Variants in COL4A2 observed in about 807,000 individuals in gnomAD.
COL4A2 encodes the protein collagen alpha-2(IV) chain.
In COL4A2, 99 loss-of-function variants were observed where a neutral mutation model predicts 200.2. The ratio of observed to expected loss-of-function variants is 0.49; its 90% CI spans 0.42 to 0.58. The LOEUF is 0.58. COL4A2 is among the 20% of genes least tolerant of loss of function. The pLI, the probability that COL4A2 is intolerant of heterozygous loss-of-function variation, is 0.00. For missense variants in COL4A2, 1,950 were observed against 2,314.1 expected (o/e 0.84, Z 3.23); for synonymous variants, 897 against 900.6 (o/e 1.00, Z 0.07).
chr13:110,413,169 C>T lies in COL4A2; in HGVS notation c.181-11565C>T, dbSNP rs758054337. On this transcript the variant is annotated intron_variant, in intron 4 of 47. Coordinates refer to ENST00000360467, the MANE Select transcript of COL4A2 (RefSeq NM_001846.4). The stretch of plus-strand genomic sequence containing the variant: ...GGGAAGTCATTATAATGGTCAGAAA[C>T]GTGGTCTAAAAATAGAAGATTCCAT... Among the ~76,000 whole-genome samples the T allele has an allele frequency of 1.1e-4, 16 of 152,234 alleles. No individual in the cohort carries two copies. The Middle Eastern group carries it at 0.02, about 194-fold the overall frequency.
intron 3 of COL4A2, among the ~76,000 whole-genome samples, chr13:110,350,759 G>A (rs1271488434): frequency 6.6e-6 from 1 of 152,216 alleles, no homozygotes; most frequent in Non-Finnish European, 1.5e-5. Flanking sequence ...AGAAAGGTGG[G>A]GTGGGGCCTG....
At chr13:110,411,601 A>G (rs1447440042) in intron 4 of COL4A2, among the ~76,000 whole-genome samples, 4 of 152,218 alleles carry the variant, frequency 2.6e-5, no homozygotes, top group African/African-American at 4.8e-5. Context: ...CAGAGAAGCC[A>G]TGTTCTTAAA....
intron 47 of COL4A2, among the ~76,000 whole-genome samples, chr13:110,509,270 T>TATATACACACACACACACAC (rs1435137108): frequency 1.3e-4 from 15 of 115,574 alleles, no homozygotes; most frequent in African/African-American, 5.2e-4. Flanking sequence ...TATATATATA[T>TATATACACACACACACACAC]ACACACACAC....
chr13:110,505,177 C>T (rs971974361), intron 45 of COL4A2, among the ~76,000 whole-genome samples: 41 of 151,390 alleles, frequency 2.7e-4, no homozygotes, highest in South Asian at 1.7e-3. Flanking sequence ...GGTGAAACCC[C>T]GTCTCTACTA....
In COL4A2 at chr13:110,503,974, G is replaced by T; in HGVS notation, c.4266G>T (p.Gln1422His). Residue 1422 changes from glutamine to histidine, a missense_variant, in exon 44 of 48, where the codon CAG becomes CAT. Gln to His is a conservative substitution (Grantham distance 24, BLOSUM62 0). Around this residue, in one of 2 missense-constraint regions of COL4A2, gnomAD observed 1,385 missense variants for 1,720.5 expected, o/e 0.80. Transcript: ENST00000360467. ...GGGCACCGGGGGAGATGGGGCCCCA[G>T]GGCCCCCCCGGAGAACCAGGTAGAG... is the stretch of plus-strand genomic sequence containing the variant. Reference protein sequence around the residue: ...PPGAPGEMGPQGPPGEPGFRG... With the variant: ...PPGAPGEMGPHGPPGEPGFRG... 1 of 1,561,396 alleles carries T rather than the reference G, an allele frequency of 6.4e-7. No individual in the cohort carries two copies. Among genetic ancestry groups the T allele is most frequent in the Non-Finnish European group, 8.6e-7 (1 of 1,158,346 alleles).
chr13:110,464,031 A>C (rs993436928), intron 24 of COL4A2, among the ~76,000 whole-genome samples: 1 of 152,032 alleles, frequency 6.6e-6, no homozygotes, highest in African/African-American at 2.4e-5. Context: ...GTTCAGTGTC[A>C]TGTGGGGTGG....
intron 4 of COL4A2, among the ~76,000 whole-genome samples, chr13:110,395,507 G>C (rs1042231157): frequency 6.6e-6 from 1 of 152,182 alleles, no homozygotes; most frequent in African/African-American, 2.4e-5. Flanking sequence ...ATGTTGCAAA[G>C]TTAAATGAGA....
intron 4 of COL4A2, among the ~76,000 whole-genome samples, chr13:110,417,702 G>A (rs1005728955): frequency 1.3e-5 from 2 of 152,136 alleles, no homozygotes; most frequent in Admixed American, 6.5e-5. Flanking sequence ...CATAAAAATA[G>A]CATCAGACAG....
At chr13:110,430,178 C>A in intron 8 of COL4A2, 1 of 671,768 alleles carries the variant, frequency 1.5e-6, no homozygotes, top group East Asian at 3.3e-5. Context: ...ATACTCCAAG[C>A]CAAATTAGTA....
intron 34 of COL4A2, 77 bp downstream of exon 34, chr13:110,485,913 G>A: frequency 6.3e-7 from 1 of 1,575,814 alleles, no homozygotes; most frequent in Non-Finnish European, 8.6e-7. Flanking sequence ...GCTTTGGTCT[G>A]GAATTTGCTA....
rs767002934 is a variant in COL4A2, at chr13:110,503,365, G to A, written c.4040-18G>A. 39 of 1,593,114 alleles carry A rather than the reference G, an allele frequency of 2.4e-5. No individual in the cohort carries two copies. Among genetic ancestry groups the A allele is most frequent in the Non-Finnish European group, 3.2e-5 (38 of 1,170,556 alleles). On this transcript the variant is annotated intron_variant, in intron 42 of 47. Transcript: ENST00000360467. Reference sequence around the variant, plus strand: ...CCCCACAGACTTTCGTGTCCCTAACGTCTTGTTTGTGTTGCAGGGCCCAGG... The same window carrying A: ...CCCCACAGACTTTCGTGTCCCTAACATCTTGTTTGTGTTGCAGGGCCCAGG...
intron 25 of COL4A2, 80 bp downstream of exon 25, chr13:110,465,686 G>A: frequency 7.8e-7 from 1 of 1,285,712 alleles, no homozygotes; most frequent in Middle Eastern, 2.7e-4. Context: ...ACGTTTCCCA[G>A]TAGAGTCAGA....
intron 4 of COL4A2, 75 bp from the exon 5 acceptor site, chr13:110,424,659 T>C: frequency 9.9e-7 from 1 of 1,007,066 alleles, no homozygotes; most frequent in East Asian, 2.4e-5. Context: ...AAATGTAGTT[T>C]TGAAAGTAAC....
chr13:110,396,353 T>C (rs1018775423), intron 4 of COL4A2, among the ~76,000 whole-genome samples: 2 of 152,224 alleles, frequency 1.3e-5, no homozygotes, highest in African/African-American at 4.8e-5. Flanking sequence ...TTTCTCTGAC[T>C]CTGAAATAAG....
chr13:110,429,787 A>C lies in COL4A2; in HGVS notation c.478-98A>C, dbSNP rs1464066011. ...ATAAGAACAATTAGACCTTGCCCAC[A>C]AAAGTCAATGTTCAGTCATCCACAT... On this transcript the variant is annotated intron_variant, in intron 7 of 47. Coordinates refer to ENST00000360467, the MANE Select transcript of COL4A2 (RefSeq NM_001846.4). The C allele has an allele frequency of 2.4e-6, 3 of 1,234,402 alleles. No individual in the cohort carries two copies. In the East Asian group the frequency reaches 7.3e-5, roughly 30 times the overall value. The allele number at this position is 1,234,402 out of a possible 1,614,324, so 76.5% of individuals were successfully genotyped here.
At chr13:110,462,596 T>C in intron 24 of COL4A2, 1 of 564,054 alleles carries the variant, frequency 1.8e-6, no homozygotes. Flanking sequence ...CAAATGAACA[T>C]TTAAAAGTCA....
intron 4 of COL4A2, among the ~76,000 whole-genome samples, chr13:110,362,146 G>T (rs569937923): frequency 6.6e-6 from 1 of 152,262 alleles, no homozygotes; most frequent in Non-Finnish European, 1.5e-5. Context: ...CAAGAGTTAT[G>T]GTTCCCTAGT....
intron 20 of COL4A2, among the ~76,000 whole-genome samples, chr13:110,453,125 T>C (rs996856886): frequency 3.3e-5 from 5 of 152,220 alleles, no homozygotes; most frequent in Non-Finnish European, 7.3e-5. Context: ...ATGAGCATTA[T>C]ATTTCCTAAG....
intron 15 of COL4A2, 33 bp downstream of exon 15, chr13:110,438,701 G>C: frequency 6.2e-7 from 1 of 1,614,004 alleles, no homozygotes. Flanking sequence ...GCAGTTGTCG[G>C]TTTGGTTTGG....
Sources: gnomAD v4.1 joint callset for allele counts (sites outside exome capture counted in the v4.1 genomes callset) on GRCh38, gnomAD v4.1.1 for gene constraint, gnomAD v4.1.1 regional missense constraint, MANE v1.5 for transcripts, NCBI Gene and HGNC (gene_info 2026-07-23, HGNC 2026-07-21) for gene names.